Variants in STXBP5L observed in about 807,000 individuals in gnomAD.
STXBP5L encodes the protein syntaxin-binding protein 5-like.
In STXBP5L, 65 loss-of-function variants were observed where a neutral mutation model predicts 144.5. The ratio of observed to expected loss-of-function variants is 0.45; its 90% confidence interval spans 0.37 to 0.55. The LOEUF (loss-of-function observed/expected upper bound fraction) is 0.55, where lower values mean the gene tolerates loss of function less well. Ranked by LOEUF, STXBP5L falls within the 20% of genes least tolerant of loss-of-function variation. The pLI is 0.00. For missense variants in STXBP5L, 1,298 were observed against 1,405.5 expected (o/e 0.92, Z 1.22); for synonymous variants, 505 against 469.6 (o/e 1.08, Z -0.97).
intron 14 of STXBP5L, among the ~76,000 whole-genome samples, chr3:121,243,219 T>C (rs2049727126): frequency 6.6e-6 from 1 of 152,192 alleles, no homozygotes; most frequent in Non-Finnish European, 1.5e-5. Context: ...GATTCCTGGG[T>C]GCCACTGAGA....
chr3:120,991,567 A>T (rs1942875674), intron 3 of STXBP5L, among the ~76,000 whole-genome samples: 1 of 152,238 alleles, frequency 6.6e-6, no homozygotes, highest in Admixed American at 6.5e-5. Context: ...AATAGCAAAG[A>T]CTTGGAACCA....
chr3:121,037,925 C>G (rs545424560), intron 3 of STXBP5L, among the ~76,000 whole-genome samples: 1 of 151,898 alleles, frequency 6.6e-6, no homozygotes, highest in Non-Finnish European at 1.5e-5. Flanking sequence ...TTTAGATTGT[C>G]AAATTTATTG....
intron 5 of STXBP5L, among the ~76,000 whole-genome samples, chr3:121,063,849 A>G (rs2041409054): frequency 6.6e-6 from 1 of 151,992 alleles, no homozygotes; most frequent in Non-Finnish European, 1.5e-5. Context: ...CCCCACCAAG[A>G]TAGCATGTTT....
chr3:121,378,600 T>A (rs1219255311), intron 20 of STXBP5L, 116 bp from the exon 21 acceptor site: 4 of 1,190,350 alleles, frequency 3.4e-6, no homozygotes, highest in Non-Finnish European at 4.5e-6. Context: ...TATATTCATG[T>A]GGTTTAGAAA....
At chr3:121,077,444 G>A (rs1031694725) in intron 5 of STXBP5L, among the ~76,000 whole-genome samples, 3 of 152,092 alleles carry the variant, frequency 2.0e-5, no homozygotes, top group Non-Finnish European at 4.4e-5. Flanking sequence ...TCGTGGTCTC[G>A]CTGGCTAGGA....
intron 3 of STXBP5L, among the ~76,000 whole-genome samples, chr3:121,038,608 G>A (rs1946924659): frequency 6.6e-6 from 1 of 151,764 alleles, no homozygotes; most frequent in Admixed American, 6.6e-5. Context: ...TGCCAATTGG[G>A]ACAAGTTGGT....
intron 3 of STXBP5L, among the ~76,000 whole-genome samples, chr3:120,988,766 A>T (rs533121314): frequency 6.6e-6 from 1 of 152,084 alleles, no homozygotes; most frequent in Non-Finnish European, 1.5e-5. Flanking sequence ...GCCATCACAA[A>T]TAGTGTCCAT....
At chr3:121,233,258 G>A (rs532009834) in intron 11 of STXBP5L, among the ~76,000 whole-genome samples, 4 of 152,180 alleles carry the variant, frequency 2.6e-5, no homozygotes, top group African/African-American at 9.6e-5. Flanking sequence ...TCTCCTTGTA[G>A]GCATAAAATC....
intron 20 of STXBP5L, among the ~76,000 whole-genome samples, chr3:121,375,456 C>T (rs971824711): frequency 1.3e-5 from 2 of 152,076 alleles, no homozygotes; most frequent in African/African-American, 4.8e-5. Flanking sequence ...AGTAAGTGAG[C>T]AACTCTGGAT....
intron 20 of STXBP5L, among the ~76,000 whole-genome samples, chr3:121,348,622 C>A (rs142800971): frequency 0.036 from 5,417 of 152,138 alleles, 153 homozygotes; most frequent in Middle Eastern, 0.082. Context: ...TTAATTATTA[C>A]CTCAATTTCA....
chr3:120,974,923 C>T (rs1027146331), intron 3 of STXBP5L, among the ~76,000 whole-genome samples: 6 of 152,098 alleles, frequency 3.9e-5, no homozygotes, highest in African/African-American at 1.4e-4. Context: ...GGTACCAGTA[C>T]CATGCTGTTT....
intron 3 of STXBP5L, among the ~76,000 whole-genome samples, chr3:121,037,515 T>G (rs1419329027): frequency 6.6e-6 from 1 of 152,040 alleles, no homozygotes; most frequent in Non-Finnish European, 1.5e-5. Context: ...CTTGGCCTTA[T>G]GAAGCACTAT....
intron 6 of STXBP5L, among the ~76,000 whole-genome samples, chr3:121,120,611 A>G (rs973963793): frequency 1.3e-5 from 2 of 151,242 alleles, no homozygotes; most frequent in Non-Finnish European, 3.0e-5. Flanking sequence ...CACTAACAAA[A>G]TTCATCAATA....
At chr3:121,346,240 A>G (rs1465781385) in intron 20 of STXBP5L, among the ~76,000 whole-genome samples, 3 of 151,780 alleles carry the variant, frequency 2.0e-5, no homozygotes, top group African/African-American at 7.3e-5. Context: ...GCTGAGAATG[A>G]TGGTTTCCAG....
intron 9 of STXBP5L, among the ~76,000 whole-genome samples, chr3:121,166,874 G>A (rs1025329591): frequency 6.6e-6 from 1 of 152,128 alleles, no homozygotes; most frequent in South Asian, 2.1e-4. Flanking sequence ...CATATAAAGA[G>A]AAAGAATATG....
rs1946858962 is a variant in STXBP5L at position 121,037,706 on chromosome 3, T to C, written c.288-3994T>C. Among the ~76,000 whole-genome samples, 3 of 152,114 alleles carry C rather than the reference T, an allele frequency of 2.0e-5. No homozygotes were observed. In the South Asian group the frequency reaches 6.2e-4, roughly 31 times the overall value. On this transcript the variant is annotated intron_variant, in intron 3 of 26. Coordinates refer to ENST00000471454, the MANE Select transcript of STXBP5L (RefSeq NM_001308330.2). ...GTCAGAAAATCTTTCTTCCTCTCAATTTTTCTGCAGGAATTTTATAGAATT... is the reference window on the plus strand; with the variant it reads ...GTCAGAAAATCTTTCTTCCTCTCAACTTTTCTGCAGGAATTTTATAGAATT...
At chr3:121,246,515 AAAAAT>A (rs1237143085) in intron 14 of STXBP5L, among the ~76,000 whole-genome samples, 1 of 152,236 alleles carries the variant, frequency 6.6e-6, no homozygotes, top group African/African-American at 2.4e-5. Flanking sequence ...TTACATGATG[AAAAAT>A]AAAATAGAAT....
chr3:121,001,984 A>G (rs931159754), intron 3 of STXBP5L, among the ~76,000 whole-genome samples: 1 of 152,214 alleles, frequency 6.6e-6, no homozygotes, highest in African/African-American at 2.4e-5. Context: ...TTGTTCTCAT[A>G]TTATGGCTAT....
intron 5 of STXBP5L, among the ~76,000 whole-genome samples, chr3:121,056,092 T>G (rs1948441856): frequency 6.6e-6 from 1 of 152,114 alleles, no homozygotes; most frequent in African/African-American, 2.4e-5. Context: ...AGTATGAACC[T>G]TTGCATCTGG....
Sources: allele counts gnomAD v4.1 joint callset (sites outside exome capture counted in the v4.1 genomes callset), GRCh38; gene constraint gnomAD v4.1.1; transcripts MANE v1.5; gene names NCBI Gene and HGNC (gene_info 2026-07-23, HGNC 2026-07-21).